Variants in ITGA11 observed in about 807,000 individuals in gnomAD.
ITGA11 encodes the protein integrin alpha-11.
In ITGA11, 97 loss-of-function variants were observed where a neutral mutation model predicts 141.9. The observed-to-expected ratio is 0.68, with a 90% confidence interval of 0.58 to 0.81. ITGA11 has a LOEUF of 0.81. Ranked by LOEUF, ITGA11 falls within the 30% of genes least tolerant of loss-of-function variation. The pLI is 0.00. For missense variants in ITGA11, 1,387 were observed against 1,559.2 expected (o/e 0.89, Z 1.86); for synonymous variants, 658 against 624.6 (o/e 1.05, Z -0.80).
chr15:68,360,695 G>A (rs1224247030), intron 5 of ITGA11, among the ~76,000 whole-genome samples: 2 of 152,150 alleles, frequency 1.3e-5, no homozygotes, highest in African/African-American at 2.4e-5. Context: ...TTCCCCGGTG[G>A]GCCCCTCACG....
At position 68,362,147 on chromosome 15, in the gene ITGA11, C is replaced by T. The variant is rs114518375; in HGVS notation, c.358-443G>A. On this transcript the variant is annotated intron_variant, in intron 4 of 29. Coordinates refer to ENST00000315757, the MANE Select transcript of ITGA11 (RefSeq NM_001004439.2). ...CTGGGCAAACTTCTAGGACTGGGTC[C>T]CAAAAACATGCCATGGCTCATACTG... Among the ~76,000 whole-genome samples, 563 of 152,246 alleles carry T rather than the reference C, an allele frequency of 3.7e-3. 4 individuals are homozygous for T. Among genetic ancestry groups the T allele is most frequent in the African/African-American group, 0.013 (544 of 41,546 alleles).
At chr15:68,317,522 ACCCCAGAGG>A (rs200363584) in intron 20 of ITGA11, among the ~76,000 whole-genome samples, 159 bp from the exon 21 acceptor site, 2,311 of 151,800 alleles carry the variant, frequency 0.015, 68 homozygotes, top group African/African-American at 0.05. Flanking sequence ...GATGTCTGAG[ACCCCAGAGG>A]CCCCAGAGGC....
chr15:68,305,373 A>G lies in ITGA11; in HGVS notation c.3382-1488T>C, dbSNP rs1283424962. 1.3e-5 allele frequency among the ~76,000 whole-genome samples: 2 copies of G among 152,184 alleles called. No individual in the cohort carries two copies. The highest frequency in any genetic ancestry group is 4.8e-5 in the African/African-American group (2 of 41,450). On this transcript the variant is annotated intron_variant, in intron 28 of 29. Transcript: ENST00000315757. The surrounding 1 kb of genome is among the most constrained non-coding windows in gnomAD (Gnocchi z 4.6). ...GTGTGCCTTTTTCTGGGTAGCCCTT[A>G]TCACCAGTTGATAACGTTTATATTT...
chr15:68,407,919 T>A (rs1896685897), intron 1 of ITGA11, among the ~76,000 whole-genome samples: 1 of 152,230 alleles, frequency 6.6e-6, no homozygotes, highest in African/African-American at 2.4e-5. Context: ...CTAAGGCCAT[T>A]CAACAGCTCA....
chr15:68,373,791 C>T (rs1032989050), intron 2 of ITGA11, among the ~76,000 whole-genome samples: 2 of 152,178 alleles, frequency 1.3e-5, no homozygotes, highest in African/African-American at 4.8e-5. Flanking sequence ...GAACTGTTGG[C>T]AGCCACCTTG....
At chr15:68,427,095 A>G (rs1168496019) in intron 1 of ITGA11, among the ~76,000 whole-genome samples, 1 of 151,000 alleles carries the variant, frequency 6.6e-6, no homozygotes, top group Non-Finnish European at 1.5e-5. Context: ...CTCTATCGAC[A>G]TGACCTTGGA....
Position 68,317,287 on chromosome 15 carries a change from G to A in ITGA11, c.2693C>T (p.Pro898Leu), listed in dbSNP as rs1056643062. ...LQKQVCNVSYPFFRAKAKVAF... is the reference protein window; with the variant it reads ...LQKQVCNVSYLFFRAKAKVAF... ...AACCTTGGCCTTGGCCCGGAAGAAG[G>A]GATAGCTGACGTTGCAGACTTGCTT... is the stretch of plus-strand genomic sequence containing the variant. Residue 898 changes from proline (P) to leucine (L), a missense_variant, in exon 21 of 30, where the codon CCC becomes CTC. Transcript: ENST00000315757. 2.7e-5 allele frequency: 43 copies of A among 1,613,602 alleles called. No homozygotes were observed. The highest frequency in any genetic ancestry group is 3.6e-5 in the Non-Finnish European group (42 of 1,179,662).
intron 1 of ITGA11, among the ~76,000 whole-genome samples, chr15:68,403,502 C>T (rs577087220): frequency 4.6e-5 from 7 of 152,262 alleles, no homozygotes; most frequent in African/African-American, 7.2e-5. Context: ...CACGCTGGCT[C>T]GCCTTCACCT....
intron 2 of ITGA11, among the ~76,000 whole-genome samples, chr15:68,402,676 G>A (rs534067468): frequency 4.3e-4 from 65 of 152,178 alleles, no homozygotes; most frequent in Non-Finnish European, 7.8e-4. Flanking sequence ...CAGAGAAGGA[G>A]GGCTCGTTCA....
At chr15:68,315,279 G>A (rs916571853) in intron 22 of ITGA11, among the ~76,000 whole-genome samples, 44 of 152,306 alleles carry the variant, frequency 2.9e-4, no homozygotes, top group African/African-American at 1.0e-3. Flanking sequence ...GATGGTGTGT[G>A]GAATAACCCC....
intron 2 of ITGA11, among the ~76,000 whole-genome samples, chr15:68,382,671 A>G (rs1223439585): frequency 6.6e-6 from 1 of 152,142 alleles, no homozygotes; most frequent in African/African-American, 2.4e-5. Flanking sequence ...TCTTGTTGGC[A>G]TTTTATTTTC....
intron 1 of ITGA11, among the ~76,000 whole-genome samples, chr15:68,419,658 A>C (rs560102064): frequency 6.6e-6 from 1 of 152,238 alleles, no homozygotes; most frequent in African/African-American, 2.4e-5. Flanking sequence ...GCATGGAAGC[A>C]TAGCCCCTAA....
In ITGA11 at chr15:68,307,759, C is replaced by T. The variant is rs971105824; in HGVS notation, c.3175-63G>A. The T allele has an allele frequency of 2.4e-5, 27 of 1,133,100 alleles. No individual in the cohort carries two copies. The highest frequency in any genetic ancestry group is 3.2e-5 in the Non-Finnish European group (24 of 759,120). The allele number at this position is 1,133,100 out of a possible 1,614,324, so 70.2% of individuals were successfully genotyped here. On this transcript the variant is annotated intron_variant, in intron 26 of 29. Coordinates refer to ENST00000315757, the MANE Select transcript of ITGA11 (RefSeq NM_001004439.2). This position sits in a 1 kb window ranked among gnomAD's most constrained non-coding sequence, Gnocchi z 6.1. ...GCTAGGGGAGCAGGGGGCAGCAACA[C>T]TGCTTGAACGACTGGGGCTCTGCTC...
intron 2 of ITGA11, among the ~76,000 whole-genome samples, chr15:68,399,582 A>T (rs1896414505): frequency 6.6e-6 from 1 of 152,180 alleles, no homozygotes; most frequent in Non-Finnish European, 1.5e-5. Flanking sequence ...GGTGGATTGG[A>T]TAAAGAAACT....
Position 68,403,019 on chromosome 15 carries a change from G to A in ITGA11, c.63C>T (p.Asp21=), listed in dbSNP as rs911061120. 1.2e-6 allele frequency: 2 copies of A among 1,612,008 alleles called. No homozygotes were observed. Among genetic ancestry groups the A allele is most frequent in the Non-Finnish European group, 1.7e-6 (2 of 1,178,492 alleles). The part of the protein sequence containing the change: ...WALSLWPGFT[D]TFNMDTRKPR... Reference sequence around the variant, plus strand: ...GCTTCCTGGTGTCCATGTTGAAGGTGTCCGTGAACCCTGAGGCAGGGGGAG... The same window carrying A: ...GCTTCCTGGTGTCCATGTTGAAGGTATCCGTGAACCCTGAGGCAGGGGGAG... The change falls in exon 2 of 30, where the codon GAC becomes GAT. Residue 21 remains aspartate, a synonymous_variant. Coordinates refer to ENST00000315757, the MANE Select transcript of ITGA11 (RefSeq NM_001004439.2).
chr15:68,313,148 A>G (rs16951746), intron 23 of ITGA11, among the ~76,000 whole-genome samples: 14,121 of 152,134 alleles, frequency 0.093, 804 homozygotes, highest in African/African-American at 0.17. Flanking sequence ...GAGTGTAGCT[A>G]CTTTTCGGAG....
At chr15:68,382,524 TC>T (rs1895888445) in intron 2 of ITGA11, among the ~76,000 whole-genome samples, 2 of 152,328 alleles carry the variant, frequency 1.3e-5, no homozygotes, top group East Asian at 3.9e-4. Flanking sequence ...TTGGGTCACA[TC>T]CAGACGTCTG....
chr15:68,326,006 C>T lies in ITGA11; in HGVS notation c.2211+648G>A, dbSNP rs1342415604. ...GTTTGTGGGGAGGATGAAGATGCTG[C>T]TGGTGTGGATGCGTCTCAGGGGGCC... On this transcript the variant is annotated intron_variant, in intron 17 of 29. Transcript: ENST00000315757. This position sits in a 1 kb window ranked among gnomAD's most constrained non-coding sequence, Gnocchi z 6.8. Among the ~76,000 whole-genome samples, 1 of 152,212 alleles carries T rather than the reference C, an allele frequency of 6.6e-6. No individual in the cohort carries two copies. Among genetic ancestry groups the T allele is most frequent in the East Asian group, 1.9e-4 (1 of 5,202 alleles).
rs1204405633 is a variant in ITGA11, at chr15:68,321,888, A to G, written c.2323-385T>C. On this transcript the variant is annotated intron_variant, in intron 18 of 29. Transcript: ENST00000315757. The surrounding 1 kb of genome is among the most constrained non-coding windows in gnomAD (Gnocchi z 4.9). The stretch of plus-strand genomic sequence containing the variant: ...GCTCAAGGGGAAGATTGGTGTATGA[A>G]CAAATCACTAGTGTAAAATGTGCAA... 6.6e-6 allele frequency among the ~76,000 whole-genome samples: 1 copy of G among 152,240 alleles called. No homozygotes were observed. Among genetic ancestry groups the G allele is most frequent in the African/African-American group, 2.4e-5 (1 of 41,468 alleles).
Sources: gnomAD v4.1 joint callset for allele counts (sites outside exome capture counted in the v4.1 genomes callset) on GRCh38, gnomAD v4.1.1 for gene constraint, Gnocchi (gnomAD v3.1) non-coding constraint, MANE v1.5 for transcripts, NCBI Gene and HGNC (gene_info 2026-07-23, HGNC 2026-07-21) for gene names.